ZNF599: variants seen among roughly 807,000 people sequenced by gnomAD.
ZNF599 encodes the protein zinc finger protein 599.
ZNF599 carries 10 observed loss-of-function variants against 11.7 expected under a neutral mutation model. That is an observed-to-expected ratio of 0.86 (90% confidence interval 0.53 to 1.45). ZNF599 has a LOEUF of 1.45. Ranked by LOEUF, ZNF599 falls within the 40% of genes most tolerant of loss-of-function variation. ZNF599 has a pLI of 0.00. For synonymous variants in ZNF599, 232 were observed against 253.2 expected, an observed-to-expected ratio of 0.92 and a Z score of 0.79; for missense variants, 688 against 713.6, an observed-to-expected ratio of 0.96 and a Z score of 0.41.
At chr19:34,788,779 C>T in the ZNF599 span, 1 of 152,116 alleles carries the variant, frequency 6.6e-6, no homozygotes, top group Non-Finnish European at 1.5e-5. Context: ...AACATATATA[C>T]TGAGATGGGA....
upstream of ZNF599, among the ~76,000 whole-genome samples, chr19:34,777,378 ATATT>A (rs1207722943): frequency 1.5e-4 from 14 of 90,982 alleles, no homozygotes; most frequent in East Asian, 3.4e-3. Context: ...TATATATTAT[ATATT>A]AATTAATATA....
chr19:34,799,769 G>A, the ZNF599 span, among the ~76,000 whole-genome samples: 1 of 152,160 alleles, frequency 6.6e-6, no homozygotes, highest in Admixed American at 6.5e-5. Flanking sequence ...TGAAGTCACG[G>A]CAAGAAGGCA....
the ZNF599 span, among the ~76,000 whole-genome samples, chr19:34,778,320 AAT>A: frequency 1.6e-3 from 239 of 151,322 alleles, no homozygotes; most frequent in African/African-American, 5.4e-3. Context: ...TATAATAAAA[AAT>A]ATATATATAT....
At position 34,772,861 on chromosome 19, in the gene ZNF599, A is replaced by G; in HGVS notation, c.-20T>C. ...CGCCATGGGCCCAGGGGGCTGGGTG[A>G]GGCCGTGAGAGTCGGCGAGGAAGCC... On this transcript the variant is annotated 5_prime_UTR_variant, in exon 1 of 4. Coordinates refer to ENST00000329285, the MANE Select transcript of ZNF599 (RefSeq NM_001007248.3). The G allele has an allele frequency of 1.4e-6, 2 of 1,455,208 alleles. No homozygotes were observed. Among genetic ancestry groups the G allele is most frequent in the Non-Finnish European group, 9.0e-7 (1 of 1,108,178 alleles). The allele number at this position is 1,455,208 out of a possible 1,614,324, so 90.1% of individuals were successfully genotyped here.
chr19:34,799,516 A>C, the ZNF599 span, among the ~76,000 whole-genome samples: 1 of 152,208 alleles, frequency 6.6e-6, no homozygotes, highest in African/African-American at 2.4e-5. Context: ...TTATGAAAAA[A>C]ATTTGCAATA....
At chr19:34,792,690 C>T in the ZNF599 span, among the ~76,000 whole-genome samples, 3 of 151,894 alleles carry the variant, frequency 2.0e-5, no homozygotes, top group Non-Finnish European at 2.9e-5. Context: ...GGTGAAAACC[C>T]GTCTCTACTA....
At chr19:34,777,402 T>A (rs8108937), upstream of ZNF599, among the ~76,000 whole-genome samples, 9 of 88,302 alleles carry the variant, frequency 1.0e-4, no homozygotes, top group South Asian at 1.4e-3. Flanking sequence ...ATAATATATA[T>A]TATATATAAT....
intron 1 of ZNF599, among the ~76,000 whole-genome samples, chr19:34,769,970 C>T (rs1373534611): frequency 6.6e-6 from 1 of 152,204 alleles, no homozygotes; most frequent in Admixed American, 6.5e-5. Context: ...GAATCAGGCT[C>T]CTGAAGTTTA....
At chr19:34,797,941 C>T in the ZNF599 span, among the ~76,000 whole-genome samples, 1,784 of 152,262 alleles carry the variant, frequency 0.012, 35 homozygotes, top group African/African-American at 0.041. Context: ...TATGAACAGG[C>T]GCCCCCATGC....
At chr19:34,786,334 G>T in the ZNF599 span, among the ~76,000 whole-genome samples, 1 of 152,084 alleles carries the variant, frequency 6.6e-6, no homozygotes, top group Non-Finnish European at 1.5e-5. Context: ...ACTTGTTCTT[G>T]CTGCAGTTGG....
chr19:34,779,394 C>T, the ZNF599 span: 1 of 437,682 alleles, frequency 2.3e-6, no homozygotes, highest in Admixed American at 2.5e-5. Flanking sequence ...AGCCATCATG[C>T]CCAGCCCTGA....
Position 34,760,480 on chromosome 19 carries a change from A to G in ZNF599, c.321T>C (p.Leu107=). 2 of 1,614,132 alleles carry G rather than the reference A, an allele frequency of 1.2e-6. No individual in the cohort carries two copies. Among genetic ancestry groups the G allele is most frequent in the Non-Finnish European group, 1.7e-6 (2 of 1,180,014 alleles). The change falls in exon 4 of 4, where the codon CTT becomes CTC. Residue 107 remains leucine (L), a synonymous_variant. Transcript: ENST00000329285. Reference sequence around the variant, plus strand: ...AATCTCTTGAGGATCTCTGTGCCAGAAGTTCCTGGAAAGAGGATTCCTCAG... The same window carrying G: ...AATCTCTTGAGGATCTCTGTGCCAGGAGTTCCTGGAAAGAGGATTCCTCAG... ...AFSEESSFQE[L]LAQRSSRDSR... is the part of the protein sequence containing the mutation.
chr19:34,767,734 C>T (rs144971479), intron 2 of ZNF599, among the ~76,000 whole-genome samples: 331 of 152,256 alleles, frequency 2.2e-3, no homozygotes, highest in Middle Eastern at 0.01. Flanking sequence ...AGGACTAAAT[C>T]GCCTGATGAA....
At chr19:34,787,266 TCAC>T in the ZNF599 span, among the ~76,000 whole-genome samples, 1 of 134,202 alleles carries the variant, frequency 7.5e-6, no homozygotes, top group East Asian at 2.2e-4. Context: ...ATCATCATCA[TCAC>T]AAGACACTCA....
Position 34,760,477 on chromosome 19 carries a change from C to T in ZNF599, c.324G>A (p.Leu108=). ...TGGAATCTCTTGAGGATCTCTGTGCCAGAAGTTCCTGGAAAGAGGATTCCT... is the reference window on the plus strand; with the variant it reads ...TGGAATCTCTTGAGGATCTCTGTGCTAGAAGTTCCTGGAAAGAGGATTCCT... The part of the protein sequence containing the change: ...FSEESSFQEL[L]AQRSSRDSRL... The change falls in exon 4 of 4, where the codon CTG becomes CTA. Residue 108 remains leucine (L), a synonymous_variant. Coordinates refer to ENST00000329285, the MANE Select transcript of ZNF599 (RefSeq NM_001007248.3). 1 of 1,614,098 alleles carries T rather than the reference C, an allele frequency of 6.2e-7. No homozygotes were observed. Among genetic ancestry groups the T allele is most frequent in the Non-Finnish European group, 8.5e-7 (1 of 1,180,026 alleles).
At chr19:34,779,454 C>T in the ZNF599 span, 5 of 456,482 alleles carry the variant, frequency 1.1e-5, no homozygotes, top group Non-Finnish European at 8.8e-6. Flanking sequence ...AGAGTGAACT[C>T]TCTGATGTTT....
the ZNF599 span, chr19:34,779,495 C>T: frequency 2.2e-6 from 1 of 456,784 alleles, no homozygotes; most frequent in South Asian, 1.5e-5. Flanking sequence ...TAATTTCTCA[C>T]ATTTGCTGTA....
At chr19:34,800,582 C>CTTTTTT in the ZNF599 span, among the ~76,000 whole-genome samples, 1 of 73,828 alleles carries the variant, frequency 1.4e-5, no homozygotes, top group African/African-American at 4.8e-5. Context: ...CTAGCATTTC[C>CTTTTTT]TTTGTTTTTT....
chr19:34,805,742 C>T, the ZNF599 span, among the ~76,000 whole-genome samples: 4 of 152,130 alleles, frequency 2.6e-5, no homozygotes, highest in Non-Finnish European at 5.9e-5. Context: ...TGCCATTGCT[C>T]CCATCAACTC....
Sources: allele counts gnomAD v4.1 joint callset (sites outside exome capture counted in the v4.1 genomes callset), GRCh38; gene constraint gnomAD v4.1.1; transcripts MANE v1.5; gene names NCBI Gene and HGNC (gene_info 2026-07-23, HGNC 2026-07-21).